ASB3: variants seen among roughly 807,000 people sequenced by gnomAD.
ASB3 encodes ankyrin repeat and SOCS box containing 3.
ASB3 carries 41 observed loss-of-function variants against 54.5 expected under a neutral mutation model. The ratio of observed to expected loss-of-function variants is 0.75; its 90% CI spans 0.59 to 0.98. The LOEUF is 0.98. Ranked by LOEUF, ASB3 falls within the 50% of genes least tolerant of loss-of-function variation. The pLI, the probability that ASB3 is intolerant of heterozygous loss-of-function variation, is 0.00. For synonymous variants in ASB3, 266 were observed against 221.2 expected, an observed-to-expected ratio of 1.20 and a Z score of -1.80; for missense variants, 733 against 620.0, an observed-to-expected ratio of 1.18 and a Z score of -1.94.
At chr2:53,742,528 G>A (rs963817544) in intron 3 of ASB3, among the ~76,000 whole-genome samples, 14 of 151,846 alleles carry the variant, frequency 9.2e-5, no homozygotes, top group African/African-American at 3.4e-4. Flanking sequence ...TTTTAAAAAA[G>A]AAGTTAAGGA....
At chr2:53,718,905 G>A (rs2103856815) in intron 5 of ASB3, among the ~76,000 whole-genome samples, 1 of 152,130 alleles carries the variant, frequency 6.6e-6, no homozygotes, top group South Asian at 2.1e-4. Flanking sequence ...AAGGTCAGGG[G>A]TCACTAGTTT....
intron 6 of ASB3, among the ~76,000 whole-genome samples, 189 bp downstream of exon 6, chr2:53,716,377 G>C (rs1261003141): frequency 1.3e-5 from 2 of 152,080 alleles, no homozygotes; most frequent in East Asian, 3.8e-4. Context: ...CTCACAATAT[G>C]AAAGTGCAGG....
rs751807139 is a variant in ASB3 at position 53,693,871 on chromosome 2, T to C, written c.1369+13A>G. On this transcript the variant is annotated intron_variant, in intron 9 of 9. Transcript: ENST00000263634. ...AAAGTAGTGAAGTGTGTTTAAAAGTTATTCTTTCTTACCAATATGTTGCTG... is the reference window on the plus strand; with the variant it reads ...AAAGTAGTGAAGTGTGTTTAAAAGTCATTCTTTCTTACCAATATGTTGCTG... 3 of 1,611,736 alleles carry C rather than the reference T, an allele frequency of 1.9e-6. No homozygotes were observed. Among genetic ancestry groups the C allele is most frequent in the Non-Finnish European group, 2.5e-6 (3 of 1,178,776 alleles).
rs542221991 is a variant in ASB3, at chr2:53,690,217, C to T, written c.1369+3667G>A. Among the ~76,000 whole-genome samples the T allele has an allele frequency of 1.2e-4, 19 of 152,080 alleles. No homozygotes were observed. In the East Asian group the frequency reaches 3.7e-3, roughly 29 times the overall value. ...TGCCACTGCACTCCAGCCTGGTCAA[C>T]AGAACAAGACCCTGTCCCCCCAAAT... is the stretch of plus-strand genomic sequence containing the variant. On this transcript the variant is annotated intron_variant, in intron 9 of 9. Coordinates refer to ENST00000263634, the MANE Select transcript of ASB3 (RefSeq NM_016115.5).
chr2:53,785,453 T>C (rs908229215), intron 1 of ASB3, among the ~76,000 whole-genome samples: 3 of 151,812 alleles, frequency 2.0e-5, no homozygotes, highest in African/African-American at 4.8e-5. Flanking sequence ...AAAAATTGAC[T>C]ATTACTACTA....
intron 1 of ASB3, among the ~76,000 whole-genome samples, chr2:53,785,599 T>G (rs1674917476): frequency 6.6e-6 from 1 of 152,178 alleles, no homozygotes. Context: ...TCCCAGCACT[T>G]TGGAAGGCCG....
intron 9 of ASB3, among the ~76,000 whole-genome samples, chr2:53,687,517 T>C (rs1359118418): frequency 1.3e-5 from 2 of 152,222 alleles, no homozygotes; most frequent in Non-Finnish European, 2.9e-5. Flanking sequence ...GAAATGAATC[T>C]AGAGTTAAGA....
intron 2 of ASB3, among the ~76,000 whole-genome samples, chr2:53,756,627 A>G (rs931972872): frequency 3.3e-5 from 5 of 151,914 alleles, no homozygotes; most frequent in Non-Finnish European, 7.4e-5. Context: ...GACCTAAAAG[A>G]AAAAAAAGGC....
intron 8 of ASB3, among the ~76,000 whole-genome samples, chr2:53,699,099 G>T (rs900546557): frequency 2.0e-5 from 3 of 152,190 alleles, no homozygotes; most frequent in Non-Finnish European, 4.4e-5. Flanking sequence ...GGGCCCATCT[G>T]ATGAGGGCCT....
At chr2:53,755,652 G>C (rs1253716249) in intron 2 of ASB3, among the ~76,000 whole-genome samples, 1 of 152,110 alleles carries the variant, frequency 6.6e-6, no homozygotes, top group African/African-American at 2.4e-5. Context: ...CACAATGCAA[G>C]GAATTGTATT....
chr2:53,729,522 C>A lies in ASB3; in HGVS notation c.404G>T (p.Gly135Val). ...AGAATGGGATCCATTAACATTTGCTCCGTGTTGAAGCAACAGCCTTAACAC... is the reference window on the plus strand; with the variant it reads ...AGAATGGGATCCATTAACATTTGCTACGTGTTGAAGCAACAGCCTTAACAC... ...IDVLRLLLQHGANVNGSHSMC... is the reference protein window; with the variant it reads ...IDVLRLLLQHVANVNGSHSMC... The change falls in exon 4 of 10, where the codon GGA (glycine) becomes GTA (valine). Residue 135 changes from glycine to valine, a missense_variant. Physicochemically the swap from Gly to Val is moderately radical, Grantham distance 109 (BLOSUM62 -3). Coordinates refer to ENST00000263634, the MANE Select transcript of ASB3 (RefSeq NM_016115.5). The A allele has an allele frequency of 6.2e-7, 1 of 1,613,934 alleles. No homozygotes were observed. Among genetic ancestry groups the A allele is most frequent in the South Asian group, 1.1e-5 (1 of 91,072 alleles).
intron 8 of ASB3, chr2:53,694,262 G>A (rs1015014141): frequency 2.8e-6 from 1 of 359,450 alleles, no homozygotes; most frequent in African/African-American, 2.1e-5. Flanking sequence ...ACCTCAGAGA[G>A]AGTAGGAACT....
At chr2:53,770,568 G>C (rs955087939) in intron 1 of ASB3, among the ~76,000 whole-genome samples, 2 of 147,856 alleles carry the variant, frequency 1.4e-5, no homozygotes, top group South Asian at 2.2e-4. Flanking sequence ...TTAAATTATG[G>C]AACATTCCAA....
chr2:53,784,161 G>T (rs902373220), intron 1 of ASB3, among the ~76,000 whole-genome samples: 1 of 152,194 alleles, frequency 6.6e-6, no homozygotes, highest in Non-Finnish European at 1.5e-5. Context: ...AATGATGATT[G>T]TATAATTACA....
intron 9 of ASB3, among the ~76,000 whole-genome samples, chr2:53,674,819 T>C (rs1256549315): frequency 6.6e-6 from 1 of 152,156 alleles, no homozygotes; most frequent in Non-Finnish European, 1.5e-5. Context: ...TCATTGACTA[T>C]AACTAAAACC....
chr2:53,677,048 T>C (rs968482285), intron 9 of ASB3, among the ~76,000 whole-genome samples: 13 of 152,294 alleles, frequency 8.5e-5, no homozygotes, highest in South Asian at 4.1e-4. Context: ...GGATTACAGG[T>C]GTGAGCCACC....
intron 9 of ASB3, 122 bp downstream of exon 9, chr2:53,693,762 A>AGG: frequency 1.4e-6 from 2 of 1,394,512 alleles, no homozygotes; most frequent in African/African-American, 1.5e-5. Flanking sequence ...CTCACATAAG[A>AGG]AAATGCAAAT....
chr2:53,768,995 C>T (rs181853447), intron 1 of ASB3, among the ~76,000 whole-genome samples: 2 of 152,294 alleles, frequency 1.3e-5, no homozygotes, highest in Admixed American at 1.3e-4. Flanking sequence ...GAATTAGAAA[C>T]CATTCTATCT....
chr2:53,694,019 GTTAGCAAGATGTTAATATAATA>G lies in ASB3; in HGVS notation c.1239-27_1239-6del. 1 of 1,612,646 alleles carries G rather than the reference GTTAGCAAGATGTTAATATAATA, an allele frequency of 6.2e-7. No individual in the cohort carries two copies. The highest frequency in any genetic ancestry group is 8.5e-7 in the Non-Finnish European group (1 of 1,179,104). ...TCAATGCTGACTGAGTCAATCCTAT[GTTAGCAAGATGTTAATATAATA>G]TTAGAAACAAAACATGCCAAGGGTT... is the stretch of plus-strand genomic sequence containing the variant. On this transcript the variant is annotated splice_region_variant and splice_polypyrimidine_tract_variant and intron_variant, in intron 8 of 9. Coordinates refer to ENST00000263634, the MANE Select transcript of ASB3 (RefSeq NM_016115.5).
Sources: gnomAD v4.1 joint callset for allele counts (sites outside exome capture counted in the v4.1 genomes callset) on GRCh38, gnomAD v4.1.1 for gene constraint, MANE v1.5 for transcripts, NCBI Gene and HGNC (gene_info 2026-07-23, HGNC 2026-07-21) for gene names.